Variants in NCALD observed in about 807,000 individuals in gnomAD.
NCALD encodes neurocalcin-delta.
A neutral mutation model predicts 18.6 loss-of-function variants in NCALD; 10 were observed. The observed-to-expected ratio is 0.54, with a 90% CI of 0.33 to 0.91. The LOEUF (loss-of-function observed/expected upper bound fraction) is 0.91. Ranked by LOEUF, NCALD falls within the 40% of genes least tolerant of loss-of-function variation. The pLI, the probability that NCALD is intolerant of heterozygous loss-of-function variation, is 0.03. For missense variants in NCALD, 184 were observed against 247.6 expected (o/e 0.74, Z 1.72); for synonymous variants, 88 against 87.4 (o/e 1.01, Z -0.04).
intron 2 of NCALD, among the ~76,000 whole-genome samples, chr8:101,946,141 G>A (rs1382353244): frequency 6.6e-6 from 1 of 152,038 alleles, no homozygotes; most frequent in Non-Finnish European, 1.5e-5. Context: ...TTCTCACTTA[G>A]TGATCTATGA....
intron 2 of NCALD, among the ~76,000 whole-genome samples, chr8:101,979,764 A>G (rs987378421): frequency 2.0e-5 from 3 of 152,220 alleles, no homozygotes; most frequent in Non-Finnish European, 2.9e-5. Context: ...AGCAAGAGCA[A>G]CAAATAGAAA....
chr8:101,935,591 T>C (rs1442717507), intron 2 of NCALD, among the ~76,000 whole-genome samples: 2 of 151,978 alleles, frequency 1.3e-5, no homozygotes, highest in African/African-American at 4.8e-5. Flanking sequence ...AACTGATCAT[T>C]GGAGTTTGGT....
chr8:101,868,225 T>C (rs2131393439), intron 4 of NCALD, among the ~76,000 whole-genome samples: 1 of 152,200 alleles, frequency 6.6e-6, no homozygotes, highest in African/African-American at 2.4e-5. Flanking sequence ...GGCCCCACTT[T>C]TGCCTTTTTT....
intron 2 of NCALD, among the ~76,000 whole-genome samples, chr8:101,939,769 C>T (rs1019859890): frequency 2.0e-5 from 3 of 152,284 alleles, no homozygotes; most frequent in Non-Finnish European, 4.4e-5. Flanking sequence ...ATGAGCATTG[C>T]GGAATGCCTA....
At chr8:101,901,510 T>C (rs949260754) in intron 3 of NCALD, among the ~76,000 whole-genome samples, 4 of 152,078 alleles carry the variant, frequency 2.6e-5, no homozygotes, top group African/African-American at 9.7e-5. Flanking sequence ...ATAGTGTTTT[T>C]AGGTATATCT....
rs370643307 is a variant in NCALD at position 101,692,910 on chromosome 8, C to A, written c.379-14G>T. Reference sequence around the variant, plus strand: ...CTTATAGATTGCCTGGGGACAGAAGCGACATGGTGGTAAGACAGAAAAACA... The same window carrying A: ...CTTATAGATTGCCTGGGGACAGAAGAGACATGGTGGTAAGACAGAAAAACA... On this transcript the variant is annotated splice_polypyrimidine_tract_variant and intron_variant, in intron 2 of 3. Transcript: ENST00000220931. 4.4e-6 allele frequency: 7 copies of A among 1,583,840 alleles called. No individual in the cohort carries two copies. Among genetic ancestry groups the A allele is most frequent in the African/African-American group, 1.3e-5 (1 of 74,284 alleles).
At chr8:101,873,533 T>C (rs1372549312) in intron 4 of NCALD, among the ~76,000 whole-genome samples, 1 of 152,228 alleles carries the variant, frequency 6.6e-6, no homozygotes, top group East Asian at 1.9e-4. Context: ...TAACTGCTGC[T>C]TAGGGCAAAT....
chr8:101,990,940 C>T (rs1489209049), intron 2 of NCALD, among the ~76,000 whole-genome samples: 1 of 152,246 alleles, frequency 6.6e-6, no homozygotes, highest in Middle Eastern at 3.4e-3. Flanking sequence ...AACCTGAATG[C>T]CCACTGTGGC....
chr8:101,821,881 T>TAAAA (rs370878560), intron 4 of NCALD, among the ~76,000 whole-genome samples: 2 of 116,514 alleles, frequency 1.7e-5, no homozygotes, highest in African/African-American at 6.9e-5. Context: ...GGGTTCTAAG[T>TAAAA]AAAAAAAAAA....
intron 4 of NCALD, among the ~76,000 whole-genome samples, chr8:101,840,245 G>A (rs1814588174): frequency 6.6e-6 from 1 of 152,162 alleles, no homozygotes; most frequent in Non-Finnish European, 1.5e-5. Flanking sequence ...CTGGCTGATT[G>A]AAGAAAAGAA....
At chr8:101,865,855 CT>C in intron 4 of NCALD, among the ~76,000 whole-genome samples, 1 of 152,190 alleles carries the variant, frequency 6.6e-6, no homozygotes, top group Middle Eastern at 3.4e-3. Context: ...GCCTAAAATA[CT>C]TTTTTAGGAG....
At chr8:101,714,792 C>T (rs971017543) in intron 2 of NCALD, among the ~76,000 whole-genome samples, 10 of 150,886 alleles carry the variant, frequency 6.6e-5, no homozygotes, top group East Asian at 3.9e-4. Flanking sequence ...GTCAGGAGAT[C>T]GAGACCATCC....
rs561287622 is a variant in NCALD at position 102,037,164 on chromosome 8, C to T, written c.-209-16875G>A. Among the ~76,000 whole-genome samples the T allele has an allele frequency of 2.3e-4, 35 of 152,196 alleles. No individual in the cohort carries two copies. The East Asian group carries it at 4.8e-3, about 21-fold the overall frequency. On this transcript the variant is annotated intron_variant, in intron 1 of 6. Coordinates refer to the NCALD transcript ENST00000311028. ...TTATATGGCACTATTAAATGGCAGG[C>T]TCTATTTTAAGCAACTTATAAATAT...
chr8:101,902,826 A>G (rs548137751), intron 3 of NCALD, among the ~76,000 whole-genome samples: 1 of 152,062 alleles, frequency 6.6e-6, no homozygotes, highest in Admixed American at 6.5e-5. Flanking sequence ...CATTGTGCAC[A>G]TGTGTGGATT....
intron 3 of NCALD, among the ~76,000 whole-genome samples, chr8:101,904,730 C>T (rs1817553137): frequency 6.6e-6 from 1 of 152,204 alleles, no homozygotes. Context: ...TATATTTACT[C>T]CAACTATTGC....
At chr8:101,914,564 A>G (rs536690613) in intron 3 of NCALD, among the ~76,000 whole-genome samples, 1 of 152,260 alleles carries the variant, frequency 6.6e-6, no homozygotes, top group African/African-American at 2.4e-5. Flanking sequence ...TACATACATT[A>G]TTTGGAATTC....
At chr8:102,020,902 C>A (rs866442587) in intron 1 of NCALD, among the ~76,000 whole-genome samples, 2 of 152,112 alleles carry the variant, frequency 1.3e-5, no homozygotes, top group Admixed American at 6.6e-5. Flanking sequence ...CAGCTCCCAG[C>A]GTTCATACAC....
chr8:101,995,619 T>C (rs1457154545), intron 2 of NCALD, among the ~76,000 whole-genome samples: 1 of 152,078 alleles, frequency 6.6e-6, no homozygotes, highest in Non-Finnish European at 1.5e-5. Flanking sequence ...AAGAGCTCAC[T>C]CATCACCAAG....
At chr8:102,068,694 G>A (rs1332892218) in intron 1 of NCALD, among the ~76,000 whole-genome samples, 1 of 152,044 alleles carries the variant, frequency 6.6e-6, no homozygotes, top group Admixed American at 6.5e-5. Flanking sequence ...CTTGAGCACT[G>A]CAATATTTCT....
Sources: allele counts gnomAD v4.1 joint callset (sites outside exome capture counted in the v4.1 genomes callset), GRCh38; gene constraint gnomAD v4.1.1; transcripts MANE v1.5; gene names NCBI Gene and HGNC (gene_info 2026-07-23, HGNC 2026-07-21).